The following SEPSECS variants were observed in gnomAD, a reference collection of about 807,000 sequenced individuals.
SEPSECS encodes the protein Sep (O-phosphoserine) tRNA:Sec (selenocysteine) tRNA synthase.
SEPSECS carries 42 observed loss-of-function variants against 52.1 expected under a neutral mutation model. The observed-to-expected ratio is 0.81, with a 90% CI of 0.63 to 1.04. The LOEUF is 1.04. Among genes scored for constraint, SEPSECS ranks in the 50% least tolerant of loss-of-function variants. SEPSECS has a pLI of 0.00. For missense variants in SEPSECS, 590 were observed against 610.6 expected, an observed-to-expected ratio of 0.97 and a Z score of 0.36; for synonymous variants, 216 against 211.4, an observed-to-expected ratio of 1.02 and a Z score of -0.19.
rs1189986003 is a variant in SEPSECS, at chr4:25,160,241, C to T, written c.114+15G>A. 2 of 1,550,850 alleles carry T rather than the reference C, an allele frequency of 1.3e-6. No homozygotes were observed. The highest frequency in any genetic ancestry group is 2.4e-5 in the East Asian group (1 of 41,098). ...GGGGTCGCGGCGGCTGGGGAGGGGA[C>T]CGACAGCTCGGTACCTTCTCCAGAA... On this transcript the variant is annotated intron_variant, in intron 1 of 10. Transcript: ENST00000382103.
At chr4:25,146,484 T>C (rs945068889) in intron 6 of SEPSECS, among the ~76,000 whole-genome samples, 2 of 147,318 alleles carry the variant, frequency 1.4e-5, no homozygotes, top group African/African-American at 5.0e-5. Flanking sequence ...TAAAAAAAAC[T>C]GGAAAACATG....
At chr4:25,155,406 A>G (rs1712563759) in intron 4 of SEPSECS, among the ~76,000 whole-genome samples, 1 of 152,208 alleles carries the variant, frequency 6.6e-6, no homozygotes, top group African/African-American at 2.4e-5. Context: ...TGAATTCTGG[A>G]AAGTAAGGAA....
intron 8 of SEPSECS, among the ~76,000 whole-genome samples, chr4:25,135,667 T>C (rs1224159308): frequency 3.9e-5 from 6 of 151,998 alleles, no homozygotes; most frequent in African/African-American, 1.5e-4. Flanking sequence ...TTCCAAACAA[T>C]TGAAAAGGAG....
chr4:25,124,163 T>C lies in SEPSECS; in HGVS notation c.1274A>G (p.His425Arg), dbSNP rs1577598082. 1.9e-6 allele frequency: 3 copies of C among 1,613,588 alleles called. No individual in the cohort carries two copies. Among genetic ancestry groups the C allele is most frequent in the Non-Finnish European group, 2.5e-6 (3 of 1,179,762 alleles). The change falls in exon 11 of 11, where the codon CAT becomes CGT. Residue 425 changes from histidine to arginine, a missense_variant. Physicochemically the swap from His to Arg is conservative, Grantham distance 29 (BLOSUM62 0). Coordinates refer to ENST00000382103, the MANE Select transcript of SEPSECS (RefSeq NM_016955.4). ...GTAAGCACAAGGGTAATTATTTGTA[T>C]GTGACATAAAGCCTCTGAAAGTATA... ...SGYTFRGFMSHTNNYPCAYLN... is the reference protein window; with the variant it reads ...SGYTFRGFMSRTNNYPCAYLN...
chr4:25,144,902 T>TG (rs769755395), intron 7 of SEPSECS, 37 bp from the exon 8 acceptor site: 117 of 1,591,202 alleles, frequency 7.4e-5, no homozygotes, highest in Non-Finnish European at 9.4e-5. Flanking sequence ...AAGACTGTGG[T>TG]GGGGGGGTAG....
intron 7 of SEPSECS, 41 bp from the exon 8 acceptor site, chr4:25,144,906 G>A (rs946744808): frequency 8.8e-6 from 14 of 1,591,056 alleles, no homozygotes; most frequent in Non-Finnish European, 1.1e-5. Flanking sequence ...CTGTGGTGGG[G>A]GGGTAGCTTT....
rs1040639810 is a variant in SEPSECS at position 25,120,073 on chromosome 4, A to G, written c.*3858T>C. 6.6e-6 allele frequency: 1 copy of G among 152,098 alleles called. No individual in the cohort carries two copies. Among genetic ancestry groups the G allele is most frequent in the African/African-American group, 2.4e-5 (1 of 41,430 alleles). 9.4% of individuals were successfully genotyped at this position (152,098 alleles called of 1,614,324 possible). ...ATATAATTTATTTTCATCTTTAAAC[A>G]GTCTACACCGAAAACATTTTTGGAA... On this transcript the variant is annotated 3_prime_UTR_variant, in exon 11 of 11. Coordinates refer to ENST00000382103, the MANE Select transcript of SEPSECS (RefSeq NM_016955.4).
chr4:25,152,231 T>C (rs1212543895), intron 5 of SEPSECS, among the ~76,000 whole-genome samples, 169 bp from the exon 6 acceptor site: 1 of 152,070 alleles, frequency 6.6e-6, no homozygotes, highest in Admixed American at 6.5e-5. Context: ...TTCAGCAGCT[T>C]GGAAATACAT....
At chr4:25,160,156 G>A (rs909090469) in intron 1 of SEPSECS, 100 bp downstream of exon 1, 3 of 1,526,906 alleles carry the variant, frequency 2.0e-6, no homozygotes, top group Non-Finnish European at 2.6e-6. Context: ...CTAGTCTCAA[G>A]CAGCGAAGAG....
intron 8 of SEPSECS, among the ~76,000 whole-genome samples, chr4:25,138,069 G>GC (rs1161960325): frequency 6.6e-6 from 1 of 152,142 alleles, no homozygotes; most frequent in African/African-American, 2.4e-5. Context: ...TCAGAGGGGT[G>GC]CAGGGGGAGG....
At chr4:25,155,387 T>C (rs1712561760) in intron 4 of SEPSECS, among the ~76,000 whole-genome samples, 1 of 152,172 alleles carries the variant, frequency 6.6e-6, no homozygotes, top group Non-Finnish European at 1.5e-5. Flanking sequence ...CACTTGGATA[T>C]GACAAGAATG....
intron 8 of SEPSECS, among the ~76,000 whole-genome samples, chr4:25,133,149 A>T (rs985471683): frequency 6.6e-6 from 1 of 152,072 alleles, no homozygotes; most frequent in South Asian, 2.1e-4. Flanking sequence ...TCTCAGGATT[A>T]AAAAAAACTA....
chr4:25,153,066 T>G (rs28396268), intron 5 of SEPSECS, among the ~76,000 whole-genome samples: 1 of 151,948 alleles, frequency 6.6e-6, no homozygotes, highest in Non-Finnish European at 1.5e-5. Flanking sequence ...GTTTTCTTTT[T>G]TTTGTCCAGT....
chr4:25,139,187 C>A (rs1234997237), intron 8 of SEPSECS, among the ~76,000 whole-genome samples: 1 of 152,086 alleles, frequency 6.6e-6, no homozygotes, highest in African/African-American at 2.4e-5. Flanking sequence ...ATCTAGATTT[C>A]CTCCAAAAAC....
intron 8 of SEPSECS, among the ~76,000 whole-genome samples, chr4:25,140,201 G>T (rs1314670370): frequency 6.6e-6 from 1 of 152,220 alleles, no homozygotes; most frequent in Non-Finnish European, 1.5e-5. Flanking sequence ...AAAGAGGAGG[G>T]ACACTGTAAT....
In SEPSECS at chr4:25,160,381, C is replaced by G. The variant is rs1390820828; in HGVS notation, c.-12G>C. On this transcript the variant is annotated 5_prime_UTR_variant, in exon 1 of 11. Coordinates refer to ENST00000382103, the MANE Select transcript of SEPSECS (RefSeq NM_016955.4). The stretch of plus-strand genomic sequence containing the variant: ...CTCTCGCGGTTCATGACAGCGGTGG[C>G]GACAGTGGCGAATAAGCGGGAGCAC... 4 of 1,540,984 alleles carry G rather than the reference C, an allele frequency of 2.6e-6. No individual in the cohort carries two copies. Among genetic ancestry groups the G allele is most frequent in the East Asian group, 2.5e-5 (1 of 40,670 alleles).
At chr4:25,148,454 A>T (rs1712117775) in intron 6 of SEPSECS, among the ~76,000 whole-genome samples, 1 of 152,026 alleles carries the variant, frequency 6.6e-6, no homozygotes, top group Non-Finnish European at 1.5e-5. Context: ...GAGATGAATT[A>T]AGGCTAACTT....
intron 9 of SEPSECS, 131 bp from the exon 10 acceptor site, chr4:25,125,915 C>A: frequency 1.5e-6 from 1 of 686,894 alleles, no homozygotes; most frequent in Non-Finnish European, 2.6e-6. Context: ...CTTTAATGTA[C>A]TTAATAAATC....
chr4:25,120,783 T>G lies in SEPSECS; in HGVS notation c.*3148A>C, dbSNP rs1240232029. 1 of 152,204 alleles carries G rather than the reference T, an allele frequency of 6.6e-6. No individual in the cohort carries two copies. Among genetic ancestry groups the G allele is most frequent in the African/African-American group, 2.4e-5 (1 of 41,454 alleles). 9.4% of individuals were successfully genotyped at this position (152,204 alleles called of 1,614,324 possible). A position where few individuals can be genotyped will look rare whatever the true frequency, so the allele number is the denominator to read the frequency against. Reference sequence around the variant, plus strand: ...AGACTCACCAGAGCTTTATTATTGTTGTTTTCAGCTGTTGGTTATTTTCCT... The same window carrying G: ...AGACTCACCAGAGCTTTATTATTGTGGTTTTCAGCTGTTGGTTATTTTCCT... On this transcript the variant is annotated 3_prime_UTR_variant, in exon 11 of 11. Transcript: ENST00000382103.
Sources: allele counts gnomAD v4.1 joint callset (sites outside exome capture counted in the v4.1 genomes callset), GRCh38; gene constraint gnomAD v4.1.1; transcripts MANE v1.5; gene names NCBI Gene and HGNC (gene_info 2026-07-23, HGNC 2026-07-21).